The following ADGRL3 variants were observed in gnomAD, a reference collection of about 807,000 sequenced individuals.
ADGRL3 encodes adhesion G protein-coupled receptor L3.
ADGRL3 carries 62 observed loss-of-function variants against 153.5 expected under a neutral mutation model. That is an observed-to-expected ratio of 0.40 (90% CI 0.33 to 0.50). The LOEUF (loss-of-function observed/expected upper bound fraction) is 0.50. ADGRL3 is among the 20% of genes least tolerant of loss of function. The pLI is 0.47. For synonymous variants in ADGRL3, 710 were observed against 672.5 expected (o/e 1.06, Z -0.86); for missense variants, 1,641 against 1,859.4 (o/e 0.88, Z 2.16).
intron 2 of ADGRL3, among the ~76,000 whole-genome samples, chr4:61,419,648 C>T (rs1003373064): frequency 6.6e-6 from 1 of 152,188 alleles, no homozygotes. Flanking sequence ...TTGTTTTTCT[C>T]ATCAACATTA....
At chr4:61,965,483 C>T (rs1004805436) in intron 17 of ADGRL3, among the ~76,000 whole-genome samples, 2 of 152,122 alleles carry the variant, frequency 1.3e-5, no homozygotes, top group African/African-American at 4.8e-5. Context: ...GGAACGGTGG[C>T]TCACGCCTGT....
At chr4:61,968,782 T>C (rs1055617307) in intron 17 of ADGRL3, among the ~76,000 whole-genome samples, 21 of 152,200 alleles carry the variant, frequency 1.4e-4, no homozygotes, top group African/African-American at 5.1e-4. Flanking sequence ...CTGTTCATTT[T>C]CTCTTATAAG....
At chr4:61,236,510 A>G (rs1752921632) in intron 1 of ADGRL3, among the ~76,000 whole-genome samples, 1 of 152,160 alleles carries the variant, frequency 6.6e-6, no homozygotes, top group African/African-American at 2.4e-5. Flanking sequence ...TTTACTACAT[A>G]TGAATATTAT....
intron 5 of ADGRL3, among the ~76,000 whole-genome samples, chr4:61,632,016 C>G (rs1380540620): frequency 6.6e-6 from 1 of 151,980 alleles, no homozygotes; most frequent in Non-Finnish European, 1.5e-5. Flanking sequence ...AATGAGGTGC[C>G]TATAAGAGAA....
chr4:61,850,963 T>C (rs138576189), intron 9 of ADGRL3, among the ~76,000 whole-genome samples: 305 of 152,312 alleles, frequency 2.0e-3, no homozygotes, highest in Middle Eastern at 0.014. Flanking sequence ...CATTACCTTA[T>C]TGAAATTTTA....
intron 26 of ADGRL3, among the ~76,000 whole-genome samples, chr4:62,069,344 C>A (rs1744653483): frequency 6.6e-6 from 1 of 151,824 alleles, no homozygotes; most frequent in Non-Finnish European, 1.5e-5. Flanking sequence ...TACCTAATGA[C>A]CCTAAAAAAA....
At chr4:62,065,165 G>C (rs1742347562) in intron 25 of ADGRL3, among the ~76,000 whole-genome samples, 1 of 151,924 alleles carries the variant, frequency 6.6e-6, no homozygotes, top group African/African-American at 2.4e-5. Flanking sequence ...CTGGTCTTTA[G>C]AGCAAAGAAG....
In ADGRL3 at chr4:61,800,186, A is replaced by G. The variant is rs572684592; in HGVS notation, c.1400-13623A>G. Among the ~76,000 whole-genome samples, 55 of 152,284 alleles carry G rather than the reference A, an allele frequency of 3.6e-4. No individual in the cohort carries two copies. The Middle Eastern group carries it at 0.01, about 28-fold the overall frequency. On this transcript the variant is annotated intron_variant, in intron 8 of 26. Transcript: ENST00000683033. Reference sequence around the variant, plus strand: ...ACCTTCTTAACCATCTGTAACAATGAGCAAAGAAATGAAACAGAAACAGGA... The same window carrying G: ...ACCTTCTTAACCATCTGTAACAATGGGCAAAGAAATGAAACAGAAACAGGA...
At chr4:61,714,151 T>C (rs4285117) in intron 6 of ADGRL3, among the ~76,000 whole-genome samples, 5,685 of 151,224 alleles carry the variant, frequency 0.038, 157 homozygotes, top group Middle Eastern at 0.078. Flanking sequence ...AGTAATGTTG[T>C]AGCAGTAAAC....
intron 17 of ADGRL3, among the ~76,000 whole-genome samples, chr4:61,948,807 G>A (rs1466235121): frequency 6.6e-6 from 1 of 152,116 alleles, no homozygotes; most frequent in South Asian, 2.1e-4. Context: ...CAGATGATAG[G>A]TAGTTTCCAA....
rs1384518914 is a variant in ADGRL3, at chr4:62,070,806, A to G, written c.4530A>G (p.Leu1510=). The change falls in exon 27 of 27, where the codon CTA becomes CTG. Residue 1510 remains leucine, a synonymous_variant. Coordinates refer to ENST00000683033, the MANE Select transcript of ADGRL3 (RefSeq NM_001387552.1). The stretch of plus-strand genomic sequence containing the variant: ...ATCAGCTGCATACTTACTACCAGCT[A>G]GGTCGCGGCAGCAGTGATGGATTTA... ...HVHQLHTYYQ[L]GRGSSDGFIV... 1.2e-5 allele frequency: 19 copies of G among 1,551,708 alleles called. No homozygotes were observed. The highest frequency in any genetic ancestry group is 1.7e-5 in the Non-Finnish European group (19 of 1,146,980).
At chr4:61,761,865 A>C (rs991584074) in intron 8 of ADGRL3, among the ~76,000 whole-genome samples, 2 of 152,120 alleles carry the variant, frequency 1.3e-5, no homozygotes, top group African/African-American at 4.8e-5. Context: ...CAGGAGCTGG[A>C]GGCTGCAGTG....
chr4:61,623,127 C>T (rs745392571), intron 5 of ADGRL3, among the ~76,000 whole-genome samples: 4 of 152,084 alleles, frequency 2.6e-5, no homozygotes, highest in Non-Finnish European at 4.4e-5. Context: ...TGGAATAACA[C>T]GTATACCAAT....
chr4:61,308,006 G>A (rs754856201), intron 1 of ADGRL3, among the ~76,000 whole-genome samples: 12 of 152,204 alleles, frequency 7.9e-5, no homozygotes, highest in Non-Finnish European at 1.8e-4. Context: ...AAATGGTCTC[G>A]CCTGCTTATT....
intron 9 of ADGRL3, among the ~76,000 whole-genome samples, chr4:61,881,644 C>CT (rs2098509416): frequency 6.6e-6 from 1 of 152,228 alleles, no homozygotes; most frequent in Non-Finnish European, 1.5e-5. Flanking sequence ...GCCCAAAGTG[C>CT]TGGGAACACA....
At chr4:61,272,252 T>G (rs2149802070) in intron 1 of ADGRL3, among the ~76,000 whole-genome samples, 1 of 152,148 alleles carries the variant, frequency 6.6e-6, no homozygotes, top group African/African-American at 2.4e-5. Flanking sequence ...TTTTAAAGTT[T>G]TATGTGTCAG....
intron 2 of ADGRL3, among the ~76,000 whole-genome samples, chr4:61,417,218 G>A (rs11930313): frequency 0.29 from 43,326 of 151,946 alleles, 6,379 homozygotes; most frequent in Middle Eastern, 0.38. Context: ...ACAAGACCGG[G>A]GGTGGTGGCT....
chr4:61,838,033 T>A (rs1366566414), intron 9 of ADGRL3, among the ~76,000 whole-genome samples: 1 of 152,014 alleles, frequency 6.6e-6, no homozygotes, highest in African/African-American at 2.4e-5. Context: ...TAAAGTTTGT[T>A]TGGGGGAGGG....
At chr4:61,847,836 TA>T (rs2098142953) in intron 9 of ADGRL3, among the ~76,000 whole-genome samples, 2 of 13,030 alleles carry the variant, frequency 1.5e-4, no homozygotes, top group South Asian at 1.9e-3. Flanking sequence ...ATAAAATATA[TA>T]TATAATATAA....
Sources: allele counts gnomAD v4.1 joint callset (sites outside exome capture counted in the v4.1 genomes callset), GRCh38; gene constraint gnomAD v4.1.1; transcripts MANE v1.5; gene names NCBI Gene and HGNC (gene_info 2026-07-23, HGNC 2026-07-21).